Variants in H2BC18 observed in about 807,000 individuals in gnomAD.
H2BC18 encodes H2B clustered histone 18.
In H2BC18, 8 loss-of-function variants were observed where a neutral mutation model predicts 6.3. That is an observed-to-expected ratio of 1.28 (90% CI 0.75 to 2.31). The LOEUF (loss-of-function observed/expected upper bound fraction) is 2.31. Among genes scored for constraint, H2BC18 ranks in the 30% most tolerant of loss-of-function variants. The pLI, the probability that H2BC18 is intolerant of heterozygous loss-of-function variation, is 0.00. For missense variants in H2BC18, 106 were observed against 174.5 expected, an observed-to-expected ratio of 0.61 and a Z score of 2.21; for synonymous variants, 104 against 78.1, an observed-to-expected ratio of 1.33 and a Z score of -1.75.
rs587750853 is a variant in H2BC18, at chr1:149,812,231, C to T, written c.93G>A (p.Lys31=). ...CGGAGTAGCTCTCCTTGCGGCTGCG[C>T]TTGCGCTTCTTGCCGTCCTTCTTCT... ...KVQKKDGKKR[K]RSRKESYSVY... is the part of the protein sequence containing the mutation. The change falls in exon 1 of 1, where the codon AAG becomes AAA. Residue 31 remains lysine (K), a synonymous_variant. Coordinates refer to ENST00000369167, the MANE Select transcript of H2BC18 (RefSeq NM_001024599.5). 85 of 1,614,282 alleles carry T rather than the reference C, an allele frequency of 5.3e-5. No homozygotes were observed. In the East Asian group the frequency reaches 1.8e-3, roughly 35 times the overall value.
intron 1 of H2BC18, among the ~76,000 whole-genome samples, chr1:149,801,089 AAAAT>A (rs2091864505): frequency 1.3e-5 from 2 of 152,104 alleles, no homozygotes; most frequent in South Asian, 2.1e-4. Flanking sequence ...CGGTCTCTAG[AAAAT>A]AAATAAAAAG....
chr1:149,786,448 C>G (rs2091551993), intron 1 of H2BC18: 1 of 152,154 alleles, frequency 6.6e-6, no homozygotes, highest in Non-Finnish European at 1.5e-5. Context: ...TACTACAGTA[C>G]AATACACCAA....
intron 1 of H2BC18, among the ~76,000 whole-genome samples, chr1:149,803,309 G>C (rs2091890290): frequency 6.6e-6 from 1 of 151,964 alleles, no homozygotes; most frequent in African/African-American, 2.4e-5. Context: ...TTATCTTTAG[G>C]TATATTCTAT....
chr1:149,789,516 C>T (rs1769947), intron 1 of H2BC18, among the ~76,000 whole-genome samples: 47 of 152,302 alleles, frequency 3.1e-4, no homozygotes, highest in African/African-American at 1.0e-3. Flanking sequence ...CCAGATGACA[C>T]GGTCATTCAG....
chr1:149,811,718 A>C, downstream of H2BC18: 1 of 667,144 alleles, frequency 1.5e-6, no homozygotes, highest in Non-Finnish European at 2.6e-6. Flanking sequence ...CAAGCAACTC[A>C]GTAAGACTGG....
chr1:149,788,691 C>T, intron 1 of H2BC18: 1 of 1,543,618 alleles, frequency 6.5e-7, no homozygotes, highest in South Asian at 1.2e-5. Context: ...CTAAACTCCT[C>T]ACTTTAATTT....
chr1:149,811,828 C>A (rs587670139), downstream of H2BC18: 6 of 963,080 alleles, frequency 6.2e-6, no homozygotes, highest in Admixed American at 1.2e-4. Flanking sequence ...CCTACCTGAC[C>A]AAAAGCTATC....
downstream of H2BC18, among the ~76,000 whole-genome samples, chr1:149,809,698 A>C (rs2791056): frequency 0.033 from 3,913 of 119,364 alleles, 187 homozygotes; most frequent in African/African-American, 0.12. Flanking sequence ...CTACAGTTTA[A>C]AAAGCTACAC....
At chr1:149,810,856 C>T (rs1310320921), downstream of H2BC18, 4 of 152,184 alleles carry the variant, frequency 2.6e-5, no homozygotes, top group Admixed American at 6.5e-5. Context: ...CCAACCACCT[C>T]GTCAGGTCCC....
At chr1:149,807,374 C>T (rs191859910), downstream of H2BC18, among the ~76,000 whole-genome samples, 1,230 of 152,030 alleles carry the variant, frequency 8.1e-3, 9 homozygotes, top group Non-Finnish European at 0.011. Flanking sequence ...CACCTGTAGT[C>T]CCAGCTACTC....
chr1:149,788,740 T>G, intron 1 of H2BC18: 2 of 1,133,540 alleles, frequency 1.8e-6, no homozygotes, highest in Non-Finnish European at 1.3e-6. Context: ...GTAAACTGCA[T>G]TACTAAAGGC....
intron 1 of H2BC18, among the ~76,000 whole-genome samples, chr1:149,798,725 C>T (rs1472552934): frequency 6.6e-6 from 1 of 152,094 alleles, no homozygotes; most frequent in Non-Finnish European, 1.5e-5. Flanking sequence ...AATCCTCCTG[C>T]TTCAGCCTCC....
At chr1:149,806,145 A>G (rs1302172483) in intron 1 of H2BC18, among the ~76,000 whole-genome samples, 1 of 151,914 alleles carries the variant, frequency 6.6e-6, no homozygotes, top group Admixed American at 6.6e-5. Context: ...ATGCAAGAGA[A>G]GCTGGTAAAT....
intron 1 of H2BC18, among the ~76,000 whole-genome samples, chr1:149,801,748 C>T (rs587730376): frequency 6.6e-6 from 1 of 151,650 alleles, no homozygotes; most frequent in East Asian, 1.9e-4. Flanking sequence ...TAAGGGGCCA[C>T]ATTTCTACCC....
At position 149,792,676 on chromosome 1, in the gene H2BC18, G is replaced by A. The variant is rs1359340616; in HGVS notation, c.378-9416C>T. On this transcript the variant is annotated intron_variant, in intron 1 of 1. Transcript: ENST00000545683. ...GTATCTGGGGGCCGCAGCCGCCAGC[G>A]CCCGGGGACCCAGCTGCGGCGAAAG... The A allele has an allele frequency of 1.5e-5, 19 of 1,278,854 alleles. No homozygotes were observed. In the African/African-American group the frequency reaches 2.8e-4, roughly 19 times the overall value. The allele number at this position is 1,278,854 out of a possible 1,614,324, so 79.2% of individuals were successfully genotyped here. A position where few individuals can be genotyped will look rare whatever the true frequency, so the allele number is the denominator to read the frequency against.
At chr1:149,801,351 T>C (rs587671452) in intron 1 of H2BC18, among the ~76,000 whole-genome samples, 2 of 151,494 alleles carry the variant, frequency 1.3e-5, no homozygotes, top group East Asian at 3.9e-4. Context: ...AAGCAACATA[T>C]CTTCAGGACA....
chr1:149,785,411 T>TC (rs1290764013), intron 1 of H2BC18, among the ~76,000 whole-genome samples: 1 of 127,246 alleles, frequency 7.9e-6, no homozygotes, highest in Non-Finnish European at 1.7e-5. Flanking sequence ...CTGTTTCGTT[T>TC]TTTTTTTTTT....
chr1:149,812,178 A>T lies in H2BC18; in HGVS notation c.146T>A (p.Val49Asp). Residue 49 changes from valine (V) to aspartate (D), a missense_variant, in exon 1 of 1, where the codon GTC (valine) becomes GAC (aspartate). By Grantham distance (152) the Val-to-Asp change is radical (BLOSUM62 -3). Transcript: ENST00000369167. ...GGACGAGATGCCGGTGTCGGGGTGG[A>T]CCTGCTTCAGCACCTTGTACACGTA... ...SVYVYKVLKQ[V>D]HPDTGISSKA... 2 of 1,614,240 alleles carry T rather than the reference A, an allele frequency of 1.2e-6. No individual in the cohort carries two copies. The highest frequency in any genetic ancestry group is 1.7e-6 in the Non-Finnish European group (2 of 1,180,048).
chr1:149,811,708 C>G (rs2091976605), downstream of H2BC18: 4 of 643,230 alleles, frequency 6.2e-6, no homozygotes, highest in Middle Eastern at 4.3e-4. Context: ...GCACAGATAA[C>G]AAGCAACTCA....
Sources: allele counts gnomAD v4.1 joint callset (sites outside exome capture counted in the v4.1 genomes callset), GRCh38; gene constraint gnomAD v4.1.1; transcripts MANE v1.5; gene names NCBI Gene and HGNC (gene_info 2026-07-23, HGNC 2026-07-21).